The following CNTNAP4 variants were observed in gnomAD, a reference collection of about 807,000 sequenced individuals.
CNTNAP4 encodes the protein contactin-associated protein-like 4.
CNTNAP4 carries 98 observed loss-of-function variants against 148.4 expected under a neutral mutation model. The ratio of observed to expected loss-of-function variants is 0.66; its 90% CI spans 0.56 to 0.78. CNTNAP4 has a LOEUF of 0.78. CNTNAP4 is among the 30% of genes least tolerant of loss of function. The probability of loss-of-function intolerance (pLI) is 0.00; values close to 1 mark genes in which losing one functional copy is unlikely to be tolerated. For synonymous variants in CNTNAP4, 730 were observed against 565.1 expected (o/e 1.29, Z -4.14); for missense variants, 1,935 against 1,565.6 (o/e 1.24, Z -3.98).
chr16:76,414,621 T>G (rs2078913469), intron 3 of CNTNAP4, among the ~76,000 whole-genome samples: 1 of 151,324 alleles, frequency 6.6e-6, no homozygotes. Flanking sequence ...CCTTAAATGT[T>G]TAGAAGAATT....
intron 1 of CNTNAP4, chr16:76,309,776 C>T (rs1041797999): frequency 2.9e-6 from 2 of 691,064 alleles, no homozygotes; most frequent in East Asian, 2.7e-5. Flanking sequence ...CGGGCTTTCC[C>T]GTGCTATTCT....
At chr16:76,439,755 C>G (rs2079966514) in intron 4 of CNTNAP4, among the ~76,000 whole-genome samples, 1 of 152,090 alleles carries the variant, frequency 6.6e-6, no homozygotes, top group South Asian at 2.1e-4. Context: ...CACTTGATCT[C>G]TGTGCCTTCT....
intron 14 of CNTNAP4, among the ~76,000 whole-genome samples, chr16:76,497,806 A>G (rs928497241): frequency 9.9e-5 from 15 of 152,142 alleles, no homozygotes; most frequent in African/African-American, 3.1e-4. Context: ...ACAAACCTGC[A>G]TGTTCTGCAC....
chr16:76,459,144 G>A (rs2080843779), intron 8 of CNTNAP4, among the ~76,000 whole-genome samples: 1 of 152,242 alleles, frequency 6.6e-6, no homozygotes, highest in Middle Eastern at 3.4e-3. Context: ...ATGAGATGTC[G>A]GAGAAATGCC....
intron 3 of CNTNAP4, among the ~76,000 whole-genome samples, chr16:76,423,001 G>A (rs2079244699): frequency 6.6e-6 from 1 of 152,036 alleles, no homozygotes; most frequent in South Asian, 2.1e-4. Context: ...AATGTAATTA[G>A]TTTCCTTATA....
At chr16:76,411,594 A>G (rs1041173535) in intron 3 of CNTNAP4, among the ~76,000 whole-genome samples, 1 of 151,342 alleles carries the variant, frequency 6.6e-6, no homozygotes, top group African/African-American at 2.4e-5. Context: ...ATGAAGTTGA[A>G]AGGTATTTCT....
At chr16:76,508,916 C>A (rs562996967) in intron 15 of CNTNAP4, among the ~76,000 whole-genome samples, 1 of 94,158 alleles carries the variant, frequency 1.1e-5, no homozygotes, top group Admixed American at 1.0e-4. Context: ...CCACGCCTGG[C>A]TAATTTTTCT....
chr16:76,280,362 A>T (rs751746431), intron 1 of CNTNAP4, among the ~76,000 whole-genome samples: 1 of 152,170 alleles, frequency 6.6e-6, no homozygotes. Flanking sequence ...AAAGACAAAC[A>T]TATATGTTCA....
rs143673591 is a variant in CNTNAP4 at position 76,292,177 on chromosome 16, G to C, written c.85+14430G>C. The stretch of plus-strand genomic sequence containing the variant: ...TTTGCAAATGTCAATGTCATGAACT[G>C]TTCAATGTCATCCAACTTTGTCTTG... On this transcript the variant is annotated intron_variant, in intron 1 of 23. Coordinates refer to ENST00000611870, the MANE Select transcript of CNTNAP4 (RefSeq NM_033401.5). Among the ~76,000 whole-genome samples, 10 of 152,260 alleles carry C rather than the reference G, an allele frequency of 6.6e-5. No individual in the cohort carries two copies. In the East Asian group the frequency reaches 1.9e-3, roughly 29 times the overall value.
intron 3 of CNTNAP4, among the ~76,000 whole-genome samples, chr16:76,362,268 G>T (rs1245252288): frequency 6.6e-6 from 1 of 152,006 alleles, no homozygotes; most frequent in African/African-American, 2.4e-5. Context: ...CCAAATAAAT[G>T]AAAAAATTTC....
At position 76,452,720 on chromosome 16, in the gene CNTNAP4, T is replaced by G. The variant is rs939151498; in HGVS notation, c.1284T>G (p.Leu428=). The change falls in exon 8 of 24, where the codon CTT becomes CTG. Residue 428 remains leucine, a synonymous_variant. Transcript: ENST00000611870. ...GILLFLSDGK[L]KSNLYQPGKL... is the part of the protein sequence containing the mutation. ...TCCTCTTTCTGAGTGATGGAAAACT[T>G]AAGTCGAATCTCTACCAGCCAGGAA... 23 of 1,610,290 alleles carry G rather than the reference T, an allele frequency of 1.4e-5. No homozygotes were observed. Among genetic ancestry groups the G allele is most frequent in the Non-Finnish European group, 2.0e-5 (23 of 1,177,888 alleles).
chr16:76,462,535 T>C (rs1180340598), intron 9 of CNTNAP4, among the ~76,000 whole-genome samples: 1 of 152,140 alleles, frequency 6.6e-6, no homozygotes, highest in Non-Finnish European at 1.5e-5. Context: ...AAAGGACAAA[T>C]AATTTAACTT....
At chr16:76,348,857 C>CAAAAA (rs34687530) in intron 2 of CNTNAP4, among the ~76,000 whole-genome samples, 181 of 147,992 alleles carry the variant, frequency 1.2e-3, no homozygotes, top group African/African-American at 4.3e-3. Flanking sequence ...TAAAAGAAGC[C>CAAAAA]AAAAAAAAAA....
At chr16:76,398,765 ATATAT>A (rs2078299712) in intron 3 of CNTNAP4, among the ~76,000 whole-genome samples, 1 of 152,138 alleles carries the variant, frequency 6.6e-6, no homozygotes, top group Non-Finnish European at 1.5e-5. Flanking sequence ...GTACAAAGCG[ATATAT>A]TTTTTATCTT....
At chr16:76,389,630 T>C (rs2016795247) in intron 3 of CNTNAP4, among the ~76,000 whole-genome samples, 1 of 152,000 alleles carries the variant, frequency 6.6e-6, no homozygotes, top group South Asian at 2.1e-4. Flanking sequence ...TTTTTTTTTC[T>C]TTTTTCTTTT....
chr16:76,472,410 A>G (rs2081409026), intron 10 of CNTNAP4, among the ~76,000 whole-genome samples: 1 of 152,094 alleles, frequency 6.6e-6, no homozygotes, highest in Non-Finnish European at 1.5e-5. Context: ...TAACATATGT[A>G]TCACAACCAT....
At chr16:76,459,842 A>G (rs1390665857) in intron 8 of CNTNAP4, among the ~76,000 whole-genome samples, 1 of 152,202 alleles carries the variant, frequency 6.6e-6, no homozygotes, top group East Asian at 1.9e-4. Flanking sequence ...ATTTAGCTAC[A>G]CAGCTCCTTG....
intron 15 of CNTNAP4, among the ~76,000 whole-genome samples, chr16:76,502,368 T>C (rs901441949): frequency 1.3e-5 from 2 of 148,648 alleles, no homozygotes; most frequent in Non-Finnish European, 3.0e-5. Flanking sequence ...ACGCCATAGG[T>C]ACTTTTTTTT....
chr16:76,403,793 A>G (rs1568023723), intron 3 of CNTNAP4, among the ~76,000 whole-genome samples: 1 of 152,230 alleles, frequency 6.6e-6, no homozygotes, highest in African/African-American at 2.4e-5. Flanking sequence ...CATGGAATCA[A>G]CATAAATGCC....
Sources: allele counts gnomAD v4.1 joint callset (sites outside exome capture counted in the v4.1 genomes callset), GRCh38; gene constraint gnomAD v4.1.1; transcripts MANE v1.5; gene names NCBI Gene and HGNC (gene_info 2026-07-23, HGNC 2026-07-21).